The following WSCD2 variants were observed in gnomAD, a reference collection of about 807,000 sequenced individuals.
WSCD2 encodes the protein sialate:O-sulfotransferase 2.
Under a neutral mutation model 55.7 loss-of-function variants are expected in WSCD2, and 28 were observed. The ratio of observed to expected loss-of-function variants is 0.50; its 90% CI spans 0.37 to 0.69. The LOEUF (loss-of-function observed/expected upper bound fraction) is 0.69. WSCD2 is among the 30% of genes least tolerant of loss of function. WSCD2 has a pLI of 0.00. For missense variants in WSCD2, 616 were observed against 762.1 expected, an observed-to-expected ratio of 0.81 and a Z score of 2.26; for synonymous variants, 301 against 301.9, an observed-to-expected ratio of 1.00 and a Z score of 0.03.
chr12:108,221,522 C>T (rs1372526057), intron 4 of WSCD2, among the ~76,000 whole-genome samples: 11 of 152,224 alleles, frequency 7.2e-5, no homozygotes, highest in Admixed American at 6.5e-4. Context: ...CACCACTGCA[C>T]TCCATCCTCT....
chr12:108,174,564 T>C (rs1279856255), intron 1 of WSCD2, among the ~76,000 whole-genome samples: 1 of 152,198 alleles, frequency 6.6e-6, no homozygotes, highest in Non-Finnish European at 1.5e-5. Flanking sequence ...GTCATGCCTA[T>C]TGCCAGGGTT....
chr12:108,138,967 G>T (rs1244236908), intron 1 of WSCD2, among the ~76,000 whole-genome samples: 2 of 152,136 alleles, frequency 1.3e-5, no homozygotes, highest in Non-Finnish European at 2.9e-5. Flanking sequence ...TGGGAGGGCA[G>T]CAGGCTTCAT....
intron 1 of WSCD2, among the ~76,000 whole-genome samples, chr12:108,156,731 G>A (rs1878550686): frequency 6.6e-6 from 1 of 152,188 alleles, no homozygotes; most frequent in African/African-American, 2.4e-5. Flanking sequence ...AGTCTCTACT[G>A]AGTTGTAGAA....
At position 108,198,674 on chromosome 12, in the gene WSCD2, T is replaced by C. The variant is rs1022386748; in HGVS notation, c.382+2460T>C. Among the ~76,000 whole-genome samples, 24 of 152,390 alleles carry C rather than the reference T, an allele frequency of 1.6e-4. 1 individual carries two copies. The highest frequency in any genetic ancestry group is 5.3e-4 in the African/African-American group (22 of 41,590). On this transcript the variant is annotated intron_variant, in intron 2 of 8. Transcript: ENST00000547525. Reference sequence around the variant, plus strand: ...TGTATTATTTGAATGAAATGATATATGTAACATGCTTATAATATCCTCTGG... The same window carrying C: ...TGTATTATTTGAATGAAATGATATACGTAACATGCTTATAATATCCTCTGG...
chr12:108,233,634 T>C (rs1426194212), intron 7 of WSCD2, among the ~76,000 whole-genome samples: 2 of 151,502 alleles, frequency 1.3e-5, no homozygotes, highest in East Asian at 1.9e-4. Flanking sequence ...AGAAATAACT[T>C]GCCCAAAGTC....
intron 1 of WSCD2, among the ~76,000 whole-genome samples, chr12:108,187,661 A>G (rs1441681954): frequency 6.6e-6 from 1 of 152,242 alleles, no homozygotes; most frequent in African/African-American, 2.4e-5. Flanking sequence ...GTTGGTGCTC[A>G]ATAAATACTA....
intron 1 of WSCD2, among the ~76,000 whole-genome samples, chr12:108,185,463 C>T (rs1304154347): frequency 6.6e-6 from 1 of 152,158 alleles, no homozygotes; most frequent in Admixed American, 6.5e-5. Context: ...CAGATCTCAG[C>T]TCAAATGCCT....
intron 8 of WSCD2, among the ~76,000 whole-genome samples, chr12:108,241,199 G>A (rs1227015412): frequency 1.3e-5 from 2 of 152,172 alleles, no homozygotes; most frequent in Admixed American, 1.3e-4. Context: ...GGAAATGACA[G>A]CATTGAGCCC....
intron 7 of WSCD2, among the ~76,000 whole-genome samples, chr12:108,233,964 T>C (rs935364279): frequency 1.3e-5 from 2 of 152,192 alleles, no homozygotes; most frequent in Non-Finnish European, 2.9e-5. Flanking sequence ...TTACTGTACC[T>C]ACCTCTCTCA....
At chr12:108,201,568 T>C (rs1884683265) in intron 2 of WSCD2, among the ~76,000 whole-genome samples, 1 of 152,010 alleles carries the variant, frequency 6.6e-6, no homozygotes, top group Non-Finnish European at 1.5e-5. Flanking sequence ...CTAGTTGAAT[T>C]TTTGCTCCCA....
In WSCD2 at chr12:108,237,783, C is replaced by G. The variant is rs116680579; in HGVS notation, c.1145-2561C>G. On this transcript the variant is annotated intron_variant, in intron 7 of 8. Coordinates refer to ENST00000547525, the MANE Select transcript of WSCD2 (RefSeq NM_014653.4). ...AACAGATCTTTCCCAATCTTTATAG[C>G]TTTTCTAGGTTTTTTGTTTTTGTTT... Among the ~76,000 whole-genome samples the G allele has an allele frequency of 6.3e-3, 958 of 152,336 alleles. 22 individuals are homozygous for G. The highest frequency in any genetic ancestry group is 0.022 in the African/African-American group (919 of 41,560).
chr12:108,221,723 T>C (rs956689528), intron 4 of WSCD2, among the ~76,000 whole-genome samples: 6 of 152,206 alleles, frequency 3.9e-5, no homozygotes, highest in African/African-American at 4.8e-5. Context: ...CCTCAAATCA[T>C]TGGAGCAGGC....
At chr12:108,238,547 T>C (rs1445234729) in intron 7 of WSCD2, among the ~76,000 whole-genome samples, 1 of 152,212 alleles carries the variant, frequency 6.6e-6, no homozygotes, top group East Asian at 1.9e-4. Context: ...CAGTCCATGA[T>C]TTCACCCTAA....
At chr12:108,228,459 T>G (rs190028131) in intron 6 of WSCD2, among the ~76,000 whole-genome samples, 6 of 152,208 alleles carry the variant, frequency 3.9e-5, no homozygotes, top group African/African-American at 1.4e-4. Flanking sequence ...CCAAAGCCCC[T>G]GCTAGAAACC....
intron 6 of WSCD2, among the ~76,000 whole-genome samples, chr12:108,229,562 G>A (rs778939498): frequency 3.9e-5 from 6 of 152,186 alleles, no homozygotes; most frequent in Non-Finnish European, 8.8e-5. Context: ...TATAGGTGAG[G>A]AAACTGAGGC....
chr12:108,188,184 G>T (rs756684761), intron 1 of WSCD2, among the ~76,000 whole-genome samples: 11 of 152,104 alleles, frequency 7.2e-5, no homozygotes, highest in Admixed American at 6.5e-4. Context: ...GGCTGTGAGC[G>T]TAGGGTAGTG....
intron 1 of WSCD2, among the ~76,000 whole-genome samples, chr12:108,173,547 G>A (rs966919130): frequency 1.3e-5 from 2 of 151,810 alleles, no homozygotes; most frequent in Admixed American, 6.6e-5. Context: ...CTTCTCAGGA[G>A]TTCCCACAAG....
chr12:108,134,248 A>G (rs1179760316), intron 1 of WSCD2, among the ~76,000 whole-genome samples: 1 of 152,070 alleles, frequency 6.6e-6, no homozygotes, highest in Non-Finnish European at 1.5e-5. Flanking sequence ...TCCTCCCTGT[A>G]TCCATGCCCT....
chr12:108,177,170 C>T (rs569767882), intron 1 of WSCD2, among the ~76,000 whole-genome samples: 4 of 152,168 alleles, frequency 2.6e-5, no homozygotes, highest in African/African-American at 9.6e-5. Flanking sequence ...TAGTGTTTCT[C>T]ACTGGTAATA....
Sources: gnomAD v4.1 joint callset for allele counts (sites outside exome capture counted in the v4.1 genomes callset) on GRCh38, gnomAD v4.1.1 for gene constraint, MANE v1.5 for transcripts, NCBI Gene and HGNC (gene_info 2026-07-23, HGNC 2026-07-21) for gene names.